The following GPC5 variants were observed in gnomAD, a reference collection of about 807,000 sequenced individuals.
GPC5 encodes glypican-5.
A neutral mutation model predicts 53.9 loss-of-function variants in GPC5; 47 were observed. The ratio of observed to expected loss-of-function variants is 0.87; its 90% CI spans 0.69 to 1.11. GPC5 has a LOEUF of 1.11. GPC5 is among the 50% of genes most tolerant of loss of function. The pLI is 0.00. For synonymous variants in GPC5, 286 were observed against 263.3 expected, an observed-to-expected ratio of 1.09 and a Z score of -0.84; for missense variants, 748 against 713.1, an observed-to-expected ratio of 1.05 and a Z score of -0.56.
At chr13:92,112,748 GTA>G (rs1429535999) in intron 6 of GPC5, among the ~76,000 whole-genome samples, 2 of 152,074 alleles carry the variant, frequency 1.3e-5, no homozygotes, top group Admixed American at 6.6e-5. Context: ...AAGTGTGTGT[GTA>G]TATATATGTA....
chr13:91,414,611 A>T (rs1384071953), intron 1 of GPC5, among the ~76,000 whole-genome samples: 2 of 152,200 alleles, frequency 1.3e-5, no homozygotes, highest in African/African-American at 2.4e-5. Context: ...AGGGATGCAG[A>T]TGGGCTAAAG....
chr13:92,540,096 C>T (rs1327814432), intron 7 of GPC5, among the ~76,000 whole-genome samples: 1 of 151,840 alleles, frequency 6.6e-6, no homozygotes. Flanking sequence ...ATGTTGGGGC[C>T]TTTCCACATT....
At chr13:92,206,475 C>T (rs907187912) in intron 7 of GPC5, among the ~76,000 whole-genome samples, 6 of 151,358 alleles carry the variant, frequency 4.0e-5, no homozygotes, top group Non-Finnish European at 5.9e-5. Flanking sequence ...ATGCAGCCAC[C>T]GCACCCGGCT....
chr13:92,470,998 G>C (rs951892125), intron 7 of GPC5, among the ~76,000 whole-genome samples: 6 of 152,112 alleles, frequency 3.9e-5, no homozygotes, highest in African/African-American at 1.4e-4. Context: ...GTTTGTATCA[G>C]AGGATGTAGG....
intron 7 of GPC5, among the ~76,000 whole-genome samples, chr13:92,162,091 T>G (rs1202231092): frequency 6.6e-6 from 1 of 150,992 alleles, no homozygotes; most frequent in African/African-American, 2.4e-5. Context: ...CATACCTTTA[T>G]GTTATGAGTA....
chr13:91,978,627 T>C (rs2040329516), intron 6 of GPC5, among the ~76,000 whole-genome samples: 2 of 152,130 alleles, frequency 1.3e-5, no homozygotes, highest in Admixed American at 6.5e-5. Flanking sequence ...TTTCCCTAAG[T>C]AGAGACAGAG....
chr13:92,566,009 ATT>A (rs1334318209), intron 7 of GPC5, among the ~76,000 whole-genome samples: 1 of 152,092 alleles, frequency 6.6e-6, no homozygotes, highest in African/African-American at 2.4e-5. Context: ...GTCAACAGTC[ATT>A]TTAATAATTA....
chr13:92,328,692 T>C (rs972337353), intron 7 of GPC5, among the ~76,000 whole-genome samples: 4 of 152,144 alleles, frequency 2.6e-5, no homozygotes, highest in Admixed American at 1.3e-4. Context: ...TCCATGTTCA[T>C]GGAAAGAAAA....
At chr13:92,525,234 T>C (rs976083754) in intron 7 of GPC5, among the ~76,000 whole-genome samples, 1 of 151,152 alleles carries the variant, frequency 6.6e-6, no homozygotes, top group African/African-American at 2.4e-5. Context: ...CTGCTGTTAT[T>C]GCTACCATTT....
chr13:92,117,910 C>T (rs2041613577), intron 6 of GPC5, among the ~76,000 whole-genome samples: 1 of 152,004 alleles, frequency 6.6e-6, no homozygotes, highest in African/African-American at 2.4e-5. Context: ...TTTGTTTCTT[C>T]CTTTCTGATG....
intron 2 of GPC5, among the ~76,000 whole-genome samples, chr13:91,580,918 G>C (rs2032337451): frequency 6.6e-6 from 1 of 152,224 alleles, no homozygotes; most frequent in Admixed American, 6.5e-5. Flanking sequence ...TCACAGTTCA[G>C]CATGGGTGGC....
Position 91,908,126 on chromosome 13 carries a change from T to C in GPC5, c.1401+69T>C, listed in dbSNP as rs1338674781. 5 of 1,233,700 alleles carry C rather than the reference T, an allele frequency of 4.1e-6. No homozygotes were observed. In the East Asian group the frequency reaches 1.1e-4, roughly 27 times the overall value. The allele number at this position is 1,233,700 out of a possible 1,614,324, so 76.4% of individuals were successfully genotyped here. ...AATAAGTGGTTACTTTCTGTTATAT[T>C]TGATAAATTTGTTAATCCTGTCAGA... On this transcript the variant is annotated intron_variant, in intron 6 of 7. Coordinates refer to ENST00000377067, the MANE Select transcript of GPC5 (RefSeq NM_004466.6).
At chr13:91,769,092 A>T (rs2037576301) in intron 5 of GPC5, among the ~76,000 whole-genome samples, 1 of 152,170 alleles carries the variant, frequency 6.6e-6, no homozygotes, top group Non-Finnish European at 1.5e-5. Context: ...GTAAGTCCAA[A>T]ATCTACAGGG....
At chr13:92,771,511 T>G (rs1473059500) in intron 7 of GPC5, among the ~76,000 whole-genome samples, 1 of 151,860 alleles carries the variant, frequency 6.6e-6, no homozygotes, top group Non-Finnish European at 1.5e-5. Context: ...CCCGGCTAAT[T>G]TTTTTGCATT....
At chr13:92,804,479 G>A (rs753995649) in intron 7 of GPC5, among the ~76,000 whole-genome samples, 1 of 151,972 alleles carries the variant, frequency 6.6e-6, no homozygotes, top group Non-Finnish European at 1.5e-5. Flanking sequence ...ATGTGCAAGA[G>A]CATTATGTCT....
chr13:91,955,793 C>T (rs1283316735), intron 6 of GPC5, among the ~76,000 whole-genome samples: 2 of 152,172 alleles, frequency 1.3e-5, no homozygotes, highest in African/African-American at 2.4e-5. Context: ...GATCTCAGTC[C>T]CCAACAGACT....
At chr13:92,449,816 A>T (rs545657127) in intron 7 of GPC5, among the ~76,000 whole-genome samples, 1 of 152,134 alleles carries the variant, frequency 6.6e-6, no homozygotes, top group East Asian at 1.9e-4. Context: ...CATATGTTTC[A>T]TATGTTTTTA....
intron 7 of GPC5, among the ~76,000 whole-genome samples, chr13:92,147,377 AT>A (rs970039639): frequency 1.8e-4 from 28 of 151,912 alleles, no homozygotes; most frequent in African/African-American, 6.7e-4. Context: ...AAAGTAAAGC[AT>A]TTTTTTGTGT....
chr13:92,056,741 C>A (rs766799644), intron 6 of GPC5, among the ~76,000 whole-genome samples: 26 of 151,976 alleles, frequency 1.7e-4, no homozygotes, highest in Non-Finnish European at 4.4e-5. Context: ...TTGCTTATTT[C>A]TTTGTTTCAT....
Sources: allele counts gnomAD v4.1 joint callset (sites outside exome capture counted in the v4.1 genomes callset), GRCh38; gene constraint gnomAD v4.1.1; transcripts MANE v1.5; gene names NCBI Gene and HGNC (gene_info 2026-07-23, HGNC 2026-07-21).